LRRC8A: variants seen among roughly 807,000 people sequenced by gnomAD.
The protein encoded by LRRC8A is volume-regulated anion channel subunit LRRC8A.
Under a neutral mutation model 52.5 loss-of-function variants are expected in LRRC8A, and 24 were observed. That is an observed-to-expected ratio of 0.46 (90% CI 0.33 to 0.64). The LOEUF (loss-of-function observed/expected upper bound fraction) is 0.64, where lower values mean the gene tolerates loss of function less well. Among genes scored for constraint, LRRC8A ranks in the 30% least tolerant of loss-of-function variants. The probability of loss-of-function intolerance (pLI) is 0.02; values close to 1 mark genes in which losing one functional copy is unlikely to be tolerated. For synonymous variants in LRRC8A, 492 were observed against 494.2 expected, an observed-to-expected ratio of 1.00 and a Z score of 0.06; for missense variants, 677 against 1,094.7, an observed-to-expected ratio of 0.62 and a Z score of 5.38.
At position 128,911,981 on chromosome 9, in the gene LRRC8A, G is replaced by A. The variant is rs888175570; in HGVS notation, c.2157+2660G>A. ...GGAGGGGTGGGCGTGGCCTGCCCAC[G>A]CCCTTGCGTGCTGTTTCTCCAGATT... On this transcript the variant is annotated intron_variant, in intron 3 of 3. Coordinates refer to ENST00000372600, the MANE Select transcript of LRRC8A (RefSeq NM_019594.4). The surrounding 1 kb of genome is among the most constrained non-coding windows in gnomAD (Gnocchi z 4.9). 1.3e-5 allele frequency among the ~76,000 whole-genome samples: 2 copies of A among 152,254 alleles called. No individual in the cohort carries two copies. The highest frequency in any genetic ancestry group is 2.4e-5 in the African/African-American group (1 of 41,470).
In LRRC8A at chr9:128,908,892, T is replaced by C. The variant is rs368203989; in HGVS notation, c.1728T>C (p.Asn576=). The C allele has an allele frequency of 1.9e-6, 3 of 1,613,822 alleles. No individual in the cohort carries two copies. The highest frequency in any genetic ancestry group is 1.1e-5 in the South Asian group (1 of 91,070). Residue 576 remains asparagine (N), a synonymous_variant, in exon 3 of 4, where the codon AAT becomes AAC. Coordinates refer to ENST00000372600, the MANE Select transcript of LRRC8A (RefSeq NM_019594.4). The part of the protein sequence containing the change: ...GVHLQKLSIN[N]EGTKLIVLNS... ...ACCTGCAGAAGCTGTCCATCAACAA[T>C]GAGGGCACCAAGCTCATCGTCCTCA... is the stretch of plus-strand genomic sequence containing the variant.
chr9:128,906,406 T>G (rs1179082627), intron 2 of LRRC8A, among the ~76,000 whole-genome samples: 2 of 121,716 alleles, frequency 1.6e-5, no homozygotes, highest in African/African-American at 6.3e-5. Flanking sequence ...CACTGCAACC[T>G]CCACCTCCCG....
intron 3 of LRRC8A, among the ~76,000 whole-genome samples, chr9:128,913,546 T>TC (rs1840658390): frequency 6.6e-6 from 1 of 151,722 alleles, no homozygotes; most frequent in African/African-American, 2.4e-5. Flanking sequence ...TGAGAGTACC[T>TC]CCCCTTTTCT....
At chr9:128,910,665 G>A (rs1268537794) in intron 3 of LRRC8A, among the ~76,000 whole-genome samples, 1 of 152,158 alleles carries the variant, frequency 6.6e-6, no homozygotes, top group Non-Finnish European at 1.5e-5. Context: ...ACTTCAGCCT[G>A]GGCAATAGAG....
chr9:128,899,216 C>T lies in LRRC8A; in HGVS notation c.-8-7941C>T, dbSNP rs1021435074. Among the ~76,000 whole-genome samples the T allele has an allele frequency of 6.6e-6, 1 of 152,210 alleles. No individual in the cohort carries two copies. The highest frequency in any genetic ancestry group is 1.5e-5 in the Non-Finnish European group (1 of 68,044). On this transcript the variant is annotated intron_variant, in intron 2 of 3. Coordinates refer to ENST00000372600, the MANE Select transcript of LRRC8A (RefSeq NM_019594.4). The surrounding 1 kb of genome is among the most constrained non-coding windows in gnomAD (Gnocchi z 4.0). ...CTGAGGCCCTGGGAGAGAAGCTGTT[C>T]CACAGCTCCGCCAGGACGCAGTGCC...
At position 128,900,821 on chromosome 9, in the gene LRRC8A, C is replaced by G. The variant is rs74738711; in HGVS notation, c.-8-6336C>G. Reference sequence around the variant, plus strand: ...GGTGGGAGGATCACTCAAGTTCAGGCGTTTGAGGCCAAATGGGCAACATAG... The same window carrying G: ...GGTGGGAGGATCACTCAAGTTCAGGGGTTTGAGGCCAAATGGGCAACATAG... On this transcript the variant is annotated intron_variant, in intron 2 of 3. Transcript: ENST00000372600. Among the ~76,000 whole-genome samples the G allele has an allele frequency of 4.6e-3, 698 of 152,216 alleles. 8 individuals are homozygous for G. The highest frequency in any genetic ancestry group is 0.04 in the South Asian group (194 of 4,828).
At chr9:128,882,804 A>G (rs1839145571) in intron 1 of LRRC8A, 1 of 398,632 alleles carries the variant, frequency 2.5e-6, no homozygotes, top group Admixed American at 4.4e-5. Flanking sequence ...ATTTGGGAAG[A>G]CCGGTCCGGA....
At chr9:128,894,813 A>G (rs1230093864) in intron 2 of LRRC8A, among the ~76,000 whole-genome samples, 1 of 150,224 alleles carries the variant, frequency 6.7e-6, no homozygotes, top group African/African-American at 2.4e-5. Context: ...AAAAAAAGAT[A>G]TCATATTTCC....
At chr9:128,890,209 C>T (rs566500990) in intron 2 of LRRC8A, among the ~76,000 whole-genome samples, 3 of 149,148 alleles carry the variant, frequency 2.0e-5, no homozygotes, top group South Asian at 2.1e-4. Flanking sequence ...TCCTCAAGGA[C>T]GTGTGGGGCT....
intron 2 of LRRC8A, among the ~76,000 whole-genome samples, chr9:128,895,671 G>GGGCA (rs1252447010): frequency 3.3e-5 from 5 of 152,228 alleles, no homozygotes; most frequent in Middle Eastern, 3.4e-3. Flanking sequence ...CCTGGGGGCA[G>GGGCA]GGCAGGACCA....
chr9:128,903,331 C>A (rs1187941571), intron 2 of LRRC8A, among the ~76,000 whole-genome samples: 1 of 152,128 alleles, frequency 6.6e-6, no homozygotes, highest in Non-Finnish European at 1.5e-5. Context: ...CCTGCTCTGC[C>A]TTCCTCCTGT....
chr9:128,904,997 CAAA>C (rs770042979), intron 2 of LRRC8A, among the ~76,000 whole-genome samples: 3 of 29,860 alleles, frequency 1.0e-4, no homozygotes, highest in African/African-American at 2.4e-4. Context: ...GACTCCGTCT[CAAA>C]AAAAAAAAAA....
At position 128,916,392 on chromosome 9, in the gene LRRC8A, CA is replaced by C; in HGVS notation, c.*23del. 1.3e-6 allele frequency: 2 copies of C among 1,598,824 alleles called. No individual in the cohort carries two copies. Among genetic ancestry groups the C allele is most frequent in the African/African-American group, 1.3e-5 (1 of 74,758 alleles). ...CCTGAGCGAGGCCGGCCCAGCACAG[CA>C]AGCAGCAGGACCGCTGCCCAGTCCT... is the stretch of plus-strand genomic sequence containing the variant. On this transcript the variant is annotated 3_prime_UTR_variant, in exon 4 of 4. Coordinates refer to ENST00000372600, the MANE Select transcript of LRRC8A (RefSeq NM_019594.4). This position sits in a 1 kb window ranked among gnomAD's most constrained non-coding sequence, Gnocchi z 6.1.
chr9:128,890,023 G>C (rs1026987285), intron 2 of LRRC8A, among the ~76,000 whole-genome samples: 1 of 151,852 alleles, frequency 6.6e-6, no homozygotes, highest in Non-Finnish European at 1.5e-5. Context: ...GGCTGGTCTC[G>C]AACTCCTGAC....
At chr9:128,884,030 C>T (rs575242732) in intron 1 of LRRC8A, among the ~76,000 whole-genome samples, 44 of 152,198 alleles carry the variant, frequency 2.9e-4, no homozygotes, top group Middle Eastern at 3.4e-3. Context: ...TGACTTCCCC[C>T]CAGAACTTGA....
At chr9:128,915,933 G>A (rs1251266170) in intron 3 of LRRC8A, among the ~76,000 whole-genome samples, 163 bp from the exon 4 acceptor site, 1 of 152,182 alleles carries the variant, frequency 6.6e-6, no homozygotes, top group African/African-American at 2.4e-5. Flanking sequence ...GAGACCTGGT[G>A]CACAGGCAGA....
Position 128,908,159 on chromosome 9 carries a change from A to C in LRRC8A, c.995A>C (p.Tyr332Ser). 1.9e-6 allele frequency: 3 copies of C among 1,614,012 alleles called. No individual in the cohort carries two copies. The highest frequency in any genetic ancestry group is 1.7e-6 in the Non-Finnish European group (2 of 1,180,024). The change falls in exon 3 of 4, where the codon TAC (tyrosine) becomes TCC (serine). Residue 332 changes from tyrosine to serine, a missense_variant. This residue lies in a region of LRRC8A where 422 missense variants were observed against 741.5 expected (regional missense o/e 0.57). Coordinates refer to ENST00000372600, the MANE Select transcript of LRRC8A (RefSeq NM_019594.4). The part of the protein sequence containing the change: ...ASFYISLVIF[Y>S]GLICMYTLWW... ...TTCTACATCAGCCTAGTCATCTTCT[A>C]CGGCCTCATCTGCATGTATACACTG...
Position 128,892,540 on chromosome 9 carries a change from T to C in LRRC8A, c.-9+6419T>C, listed in dbSNP as rs1839665024. On this transcript the variant is annotated intron_variant, in intron 2 of 3. Transcript: ENST00000372600. The surrounding 1 kb of genome is among the most constrained non-coding windows in gnomAD (Gnocchi z 5.2). ...CCCAGGAAGTGAGGGTGTACCCTTC[T>C]ACACAGGGCGAGTCCCAAGCCAGGC... Among the ~76,000 whole-genome samples the C allele has an allele frequency of 6.6e-6, 1 of 152,124 alleles. No individual in the cohort carries two copies. Among genetic ancestry groups the C allele is most frequent in the African/African-American group, 2.4e-5 (1 of 41,440 alleles).
chr9:128,908,262 C>A lies in LRRC8A; in HGVS notation c.1098C>A (p.Pro366=). ...AGGAGAGCAGCTACAGCGACATCCC[C>A]GACGTCAAGAACGACTTCGCCTTCA... ...IREESSYSDI[P]DVKNDFAFML... Residue 366 remains proline (P), a synonymous_variant, in exon 3 of 4, where the codon CCC becomes CCA. Transcript: ENST00000372600. 1.9e-6 allele frequency: 3 copies of A among 1,614,128 alleles called. No homozygotes were observed. Among genetic ancestry groups the A allele is most frequent in the Non-Finnish European group, 2.5e-6 (3 of 1,180,032 alleles).
Sources: gnomAD v4.1 joint callset for allele counts (sites outside exome capture counted in the v4.1 genomes callset) on GRCh38, gnomAD v4.1.1 for gene constraint, gnomAD v4.1.1 regional missense constraint, Gnocchi (gnomAD v3.1) non-coding constraint, MANE v1.5 for transcripts, NCBI Gene and HGNC (gene_info 2026-07-23, HGNC 2026-07-21) for gene names.